ACTN2: variants seen among roughly 807,000 people sequenced by gnomAD.
ACTN2 encodes alpha-actinin-2.
In ACTN2, 39 loss-of-function variants were observed where a neutral mutation model predicts 113.8. The ratio of observed to expected loss-of-function variants is 0.34; its 90% CI spans 0.27 to 0.45. ACTN2 has a LOEUF of 0.45. Among genes scored for constraint, ACTN2 ranks in the 20% least tolerant of loss-of-function variants. The pLI, the probability that ACTN2 is intolerant of heterozygous loss-of-function variation, is 1.00. For missense variants in ACTN2, 992 were observed against 1,177.9 expected (o/e 0.84, Z 2.31); for synonymous variants, 429 against 444.1 (o/e 0.97, Z 0.43).
chr1:236,747,338 T>C (rs924083097), intron 12 of ACTN2, among the ~76,000 whole-genome samples: 1 of 152,250 alleles, frequency 6.6e-6, no homozygotes, highest in Non-Finnish European at 1.5e-5. Flanking sequence ...TTTTATTTTT[T>C]ATTTCTTTTA....
At chr1:236,732,570 GT>G (rs1286923335) in intron 7 of ACTN2, among the ~76,000 whole-genome samples, 3 of 151,974 alleles carry the variant, frequency 2.0e-5, no homozygotes, top group Non-Finnish European at 4.4e-5. Context: ...AGCCTCCTGA[GT>G]AGCTGGGATT....
chr1:236,701,594 T>G (rs1362170628), intron 1 of ACTN2, among the ~76,000 whole-genome samples: 1 of 152,204 alleles, frequency 6.6e-6, no homozygotes, highest in Non-Finnish European at 1.5e-5. Context: ...GTATATGGTT[T>G]TATAAATGTC....
intron 1 of ACTN2, among the ~76,000 whole-genome samples, chr1:236,695,948 A>G (rs570623608): frequency 1.6e-4 from 25 of 152,328 alleles, no homozygotes; most frequent in African/African-American, 6.0e-4. Context: ...AAGCCATGCT[A>G]TCTTAGAAAA....
chr1:236,701,793 G>A (rs534002048), intron 1 of ACTN2, among the ~76,000 whole-genome samples: 9 of 152,312 alleles, frequency 5.9e-5, no homozygotes, highest in Admixed American at 4.6e-4. Flanking sequence ...TTATTTCTAT[G>A]TTCAGGCACT....
At chr1:236,731,366 T>A (rs892152228) in intron 7 of ACTN2, 52 bp downstream of exon 7, 2 of 1,452,966 alleles carry the variant, frequency 1.4e-6, no homozygotes, top group African/African-American at 2.8e-5. Flanking sequence ...AGACTACAAA[T>A]GTTATGGCTA....
Position 236,754,110 on chromosome 1 carries a change from C to G in ACTN2, c.1974+29C>G, listed in dbSNP as rs367543604. Reference sequence around the variant, plus strand: ...AGCCAGCGCCCTCCCAGGCGCTGTTCACAAGCCTTGCGATAAGTCCCTTTA... The same window carrying G: ...AGCCAGCGCCCTCCCAGGCGCTGTTGACAAGCCTTGCGATAAGTCCCTTTA... On this transcript the variant is annotated intron_variant, in intron 16 of 20. Transcript: ENST00000366578. This position sits in a 1 kb window ranked among gnomAD's most constrained non-coding sequence, Gnocchi z 4.9. The G allele has an allele frequency of 6.8e-6, 11 of 1,612,302 alleles. No homozygotes were observed. The African/African-American group carries it at 1.2e-4, about 18-fold the overall frequency.
intron 1 of ACTN2, among the ~76,000 whole-genome samples, chr1:236,697,338 G>C (rs574481498): frequency 1.3e-5 from 2 of 152,210 alleles, no homozygotes; most frequent in East Asian, 3.9e-4. Flanking sequence ...AAAAAATATG[G>C]GGAATTTGGA....
intron 18 of ACTN2, among the ~76,000 whole-genome samples, chr1:236,759,482 A>G (rs2102949523): frequency 6.6e-6 from 1 of 152,196 alleles, no homozygotes; most frequent in East Asian, 1.9e-4. Context: ...TGTTTTCTTG[A>G]GTGTGTGGTC....
Position 236,686,571 on chromosome 1 carries a change from G to A in ACTN2, c.-103G>A. On this transcript the variant is annotated 5_prime_UTR_variant, in exon 1 of 21. Transcript: ENST00000366578. ...AGAGGAGCCGCGCGAAGGTCACCCC[G>A]CGCCCGCCGCCCGCCGCCCGCCGCC... is the stretch of plus-strand genomic sequence containing the variant. The A allele has an allele frequency of 7.6e-7, 1 of 1,312,916 alleles. No individual in the cohort carries two copies. The highest frequency in any genetic ancestry group is 9.7e-7 in the Non-Finnish European group (1 of 1,027,234). 81.3% of individuals were successfully genotyped at this position (1,312,916 alleles called of 1,614,324 possible). A position where few individuals can be genotyped will look rare whatever the true frequency, so the allele number is the denominator to read the frequency against.
chr1:236,722,796 T>C lies in ACTN2; in HGVS notation c.448+2605T>C, dbSNP rs1397240463. Among the ~76,000 whole-genome samples, 9 of 152,308 alleles carry C rather than the reference T, an allele frequency of 5.9e-5. No individual in the cohort carries two copies. In the East Asian group the frequency reaches 1.7e-3, roughly 29 times the overall value. On this transcript the variant is annotated intron_variant, in intron 4 of 20. Transcript: ENST00000366578. ...AATCTGTAACATGCTTTTTATACCATGATCAGGGTTTTGTGTGTGGACCTG... is the reference window on the plus strand; with the variant it reads ...AATCTGTAACATGCTTTTTATACCACGATCAGGGTTTTGTGTGTGGACCTG...
At chr1:236,733,469 C>T (rs1658771269) in intron 7 of ACTN2, among the ~76,000 whole-genome samples, 2 of 152,198 alleles carry the variant, frequency 1.3e-5, no homozygotes, top group African/African-American at 2.4e-5. Flanking sequence ...TGTGTTAGCA[C>T]TGTGTTCATT....
chr1:236,720,254 T>C, intron 4 of ACTN2, 63 bp downstream of exon 4: 1 of 1,356,990 alleles, frequency 7.4e-7, no homozygotes, highest in East Asian at 2.3e-5. Flanking sequence ...AATTAAAATT[T>C]GAGCAAGATG....
At position 236,742,950 on chromosome 1, in the gene ACTN2, T is replaced by G. The variant is rs376144003; in HGVS notation, c.1162T>G (p.Trp388Gly). Residue 388 changes from tryptophan (W) to glycine (G), a missense_variant, in exon 11 of 21, where the codon TGG (tryptophan) becomes GGG (glycine). Physicochemically the swap from Trp to Gly is radical, Grantham distance 184. Transcript: ENST00000366578. Reference sequence around the variant, plus strand: ...GCAGGCTGAGAAGGGTTACGAGGAGTGGTTGCTCAATGAGATTCGGAGACT... The same window carrying G: ...GCAGGCTGAGAAGGGTTACGAGGAGGGGTTGCTCAATGAGATTCGGAGACT... ...LEQAEKGYEE[W>G]LLNEIRRLER... is the part of the protein sequence containing the mutation. 1.2e-6 allele frequency: 2 copies of G among 1,613,164 alleles called. No homozygotes were observed. Among genetic ancestry groups the G allele is most frequent in the African/African-American group, 2.7e-5 (2 of 74,576 alleles).
At chr1:236,761,735 T>G (rs1239796832) in intron 20 of ACTN2, among the ~76,000 whole-genome samples, 1 of 152,124 alleles carries the variant, frequency 6.6e-6, no homozygotes, top group Non-Finnish European at 1.5e-5. Flanking sequence ...AATAAAAACA[T>G]CTCTATGTAT....
intron 7 of ACTN2, among the ~76,000 whole-genome samples, chr1:236,734,946 C>G (rs1381249719): frequency 2.0e-5 from 3 of 152,206 alleles, no homozygotes; most frequent in Non-Finnish European, 2.9e-5. Flanking sequence ...GTTCTGTTTT[C>G]TGTCTTCCTT....
At chr1:236,715,512 C>G (rs535881652) in intron 1 of ACTN2, among the ~76,000 whole-genome samples, 60 of 152,000 alleles carry the variant, frequency 3.9e-4, no homozygotes, top group Non-Finnish European at 6.9e-4. Flanking sequence ...TTGCACCATC[C>G]AATACTACTA....
At chr1:236,718,088 TA>T (rs1320196850) in intron 2 of ACTN2, 116 bp downstream of exon 2, 7 of 803,294 alleles carry the variant, frequency 8.7e-6, no homozygotes, top group African/African-American at 1.7e-5. Flanking sequence ...AACATGGTAT[TA>T]TTGCCAAAGA....
chr1:236,688,728 T>C (rs1029591483), intron 1 of ACTN2, among the ~76,000 whole-genome samples: 6 of 152,238 alleles, frequency 3.9e-5, no homozygotes, highest in Non-Finnish European at 8.8e-5. Context: ...TATTTCTACT[T>C]TTGGTATAGA....
At chr1:236,743,172 C>G in intron 11 of ACTN2, 129 bp downstream of exon 11, 1 of 1,144,200 alleles carries the variant, frequency 8.7e-7, no homozygotes, top group East Asian at 2.5e-5. Flanking sequence ...TCACCTTTCT[C>G]TGCTCTTGTC....
Sources: allele counts gnomAD v4.1 joint callset (sites outside exome capture counted in the v4.1 genomes callset), GRCh38; gene constraint gnomAD v4.1.1; non-coding constraint Gnocchi (gnomAD v3.1); transcripts MANE v1.5; gene names NCBI Gene and HGNC (gene_info 2026-07-23, HGNC 2026-07-21).